The following DOP1A variants were observed in gnomAD, a reference collection of about 807,000 sequenced individuals.
The protein encoded by DOP1A is DOP1 leucine zipper like protein A.
A neutral mutation model predicts 267.6 loss-of-function variants in DOP1A; 90 were observed. The ratio of observed to expected loss-of-function variants is 0.34; its 90% CI spans 0.28 to 0.40. DOP1A has a LOEUF of 0.40. Among genes scored for constraint, DOP1A ranks in the 10% least tolerant of loss-of-function variants. DOP1A has a pLI of 1.00. For missense variants in DOP1A, 2,437 were observed against 2,900.4 expected (o/e 0.84, Z 3.67); for synonymous variants, 932 against 999.1 (o/e 0.93, Z 1.27).
intron 1 of DOP1A, among the ~76,000 whole-genome samples, chr6:83,089,221 G>A (rs1012563037): frequency 3.3e-5 from 5 of 152,190 alleles, no homozygotes; most frequent in Non-Finnish European, 7.4e-5. Context: ...TTATTCTGAA[G>A]TGAGGTCTAC....
intron 38 of DOP1A, chr6:83,167,011 G>C (rs1785878976): frequency 2.0e-6 from 2 of 985,174 alleles, no homozygotes; most frequent in Non-Finnish European, 2.4e-6. Context: ...TCTTTCTCTA[G>C]ACAGAATGAT....
intron 7 of DOP1A, among the ~76,000 whole-genome samples, chr6:83,115,299 T>C (rs1023514267): frequency 6.6e-6 from 1 of 152,236 alleles, no homozygotes; most frequent in African/African-American, 2.4e-5. Flanking sequence ...ATTGATCCTG[T>C]ACAACATGAT....
chr6:83,133,222 T>G (rs1778344244), intron 18 of DOP1A, among the ~76,000 whole-genome samples: 2 of 152,136 alleles, frequency 1.3e-5, no homozygotes, highest in Admixed American at 1.3e-4. Flanking sequence ...CAATTTAAGT[T>G]TCACATTAAA....
At chr6:83,170,197 C>G (rs920953045), downstream of DOP1A, 33 of 1,016,400 alleles carry the variant, frequency 3.2e-5, no homozygotes, top group Admixed American at 2.4e-4. Flanking sequence ...AAAGGCTCAA[C>G]AAAATAAAGC....
chr6:83,088,467 G>A (rs1324020136), intron 1 of DOP1A, among the ~76,000 whole-genome samples: 2 of 138,228 alleles, frequency 1.4e-5, no homozygotes, highest in Non-Finnish European at 3.0e-5. Flanking sequence ...TCTGTCCCCA[G>A]GCTGGAGTGC....
chr6:83,103,043 C>A (rs537089280), intron 4 of DOP1A, among the ~76,000 whole-genome samples: 1 of 152,288 alleles, frequency 6.6e-6, no homozygotes, highest in African/African-American at 2.4e-5. Flanking sequence ...CCTTCTTCCA[C>A]ATTTTTATCC....
intron 1 of DOP1A, among the ~76,000 whole-genome samples, chr6:83,089,646 A>G (rs1769973617): frequency 6.6e-6 from 1 of 152,210 alleles, no homozygotes; most frequent in South Asian, 2.1e-4. Context: ...GCATCACTTT[A>G]AACAAGCTAG....
intron 6 of DOP1A, among the ~76,000 whole-genome samples, chr6:83,110,687 C>T (rs1381518929): frequency 1.3e-5 from 2 of 152,090 alleles, no homozygotes; most frequent in Non-Finnish European, 2.9e-5. Context: ...TCAAGATTAA[C>T]AACAGAGGGC....
intron 29 of DOP1A, 74 bp downstream of exon 29, chr6:83,152,101 A>G: frequency 6.5e-7 from 1 of 1,535,990 alleles, no homozygotes; most frequent in Non-Finnish European, 8.9e-7. Flanking sequence ...TTTGCCTAGC[A>G]CTATAAGTAC....
chr6:83,165,890 G>A (rs1357185924), intron 38 of DOP1A: 11 of 406,280 alleles, frequency 2.7e-5, no homozygotes, highest in African/African-American at 1.6e-4. Context: ...CTTATCAGAT[G>A]TAATGGTTTC....
Position 83,145,510 on chromosome 6 carries a change from GATTT to G in DOP1A, c.5542-10_5542-7del, listed in dbSNP as rs1347794343. Reference sequence around the variant, plus strand: ...ATATACATACATACATACATACAATGATTTATTACCTAGGTCATTCCTGCAGCCA... The same window carrying G: ...ATATACATACATACATACATACAATGATTACCTAGGTCATTCCTGCAGCCA... On this transcript the variant is annotated splice_polypyrimidine_tract_variant and intron_variant, in intron 24 of 38. Transcript: ENST00000349129. The G allele has an allele frequency of 6.4e-7, 1 of 1,570,316 alleles. No homozygotes were observed. The highest frequency in any genetic ancestry group is 1.9e-5 in the Admixed American group (1 of 53,790).
chr6:83,129,934 A>G (rs1044737322), intron 16 of DOP1A, among the ~76,000 whole-genome samples, 189 bp from the exon 17 acceptor site: 5 of 152,258 alleles, frequency 3.3e-5, no homozygotes, highest in East Asian at 1.9e-4. Flanking sequence ...AGAAAAATAT[A>G]TATTGAAAAA....
chr6:83,162,727 G>A, intron 37 of DOP1A, 63 bp from the exon 38 acceptor site: 1 of 1,521,680 alleles, frequency 6.6e-7, no homozygotes, highest in Non-Finnish European at 8.8e-7. Flanking sequence ...TACATTATGT[G>A]GCCTAATCTT....
intron 17 of DOP1A, among the ~76,000 whole-genome samples, chr6:83,130,767 G>T (rs1777890617): frequency 6.6e-6 from 1 of 151,546 alleles, no homozygotes; most frequent in Non-Finnish European, 1.5e-5. Flanking sequence ...TTTTGAGACG[G>T]TCTTGCTGTC....
rs777217265 is a variant in DOP1A at position 83,151,944 on chromosome 6, C to A, written c.5966C>A (p.Thr1989Lys). The change falls in exon 29 of 39, where the codon ACA (threonine) becomes AAA (lysine). Residue 1989 changes from threonine (T) to lysine (K), a missense_variant. Coordinates refer to ENST00000349129, the MANE Select transcript of DOP1A (RefSeq NM_015018.4). ...GAIAGSSLEQ[T>K]TWLRRNLEVK... is the part of the protein sequence containing the mutation. The stretch of plus-strand genomic sequence containing the variant: ...ATTGCTGGTTCTTCTCTGGAACAGA[C>A]AACATGGCTGCGACGAAATCTTGAA... 1 of 1,613,802 alleles carries A rather than the reference C, an allele frequency of 6.2e-7. No individual in the cohort carries two copies. The highest frequency in any genetic ancestry group is 1.3e-5 in the African/African-American group (1 of 75,000).
At chr6:83,112,182 C>A (rs1185839260) in intron 6 of DOP1A, among the ~76,000 whole-genome samples, 3 of 151,856 alleles carry the variant, frequency 2.0e-5, no homozygotes, top group African/African-American at 7.3e-5. Context: ...AAGGAGTATT[C>A]TTTCTAATAT....
In DOP1A at chr6:83,067,772, A is replaced by G. The variant is rs1784900496; in HGVS notation, c.-154A>G. ...TGCGCCGGCGAGAAGCGGCCGAGCC[A>G]GCAGCAGGTAAAAGCGTCCCTGCCC... On this transcript the variant is annotated 5_prime_UTR_variant, in exon 1 of 39. Transcript: ENST00000349129. 2 of 152,386 alleles carry G rather than the reference A, an allele frequency of 1.3e-5. No homozygotes were observed. Among genetic ancestry groups the G allele is most frequent in the Non-Finnish European group, 2.9e-5 (2 of 68,176 alleles). 9.4% of individuals were successfully genotyped at this position (152,386 alleles called of 1,614,324 possible). A position where few individuals can be genotyped will look rare whatever the true frequency, so the allele number is the denominator to read the frequency against.
At chr6:83,084,133 C>T (rs1047055855) in intron 1 of DOP1A, among the ~76,000 whole-genome samples, 2 of 152,172 alleles carry the variant, frequency 1.3e-5, no homozygotes, top group African/African-American at 4.8e-5. Context: ...TATAAATAGT[C>T]ATATGCTGTA....
At chr6:83,150,804 C>T (rs955740884) in intron 27 of DOP1A, among the ~76,000 whole-genome samples, 1 of 152,074 alleles carries the variant, frequency 6.6e-6, no homozygotes, top group African/African-American at 2.4e-5. Context: ...ATTTTTTAAA[C>T]TTTTCTGTTT....
Sources: gnomAD v4.1 joint callset for allele counts (sites outside exome capture counted in the v4.1 genomes callset) on GRCh38, gnomAD v4.1.1 for gene constraint, MANE v1.5 for transcripts, NCBI Gene and HGNC (gene_info 2026-07-23, HGNC 2026-07-21) for gene names.